Variants in PITRM1 observed in about 807,000 individuals in gnomAD.
PITRM1 encodes the protein presequence protease, mitochondrial.
A neutral mutation model predicts 129.9 loss-of-function variants in PITRM1; 100 were observed. That is an observed-to-expected ratio of 0.77 (90% CI 0.65 to 0.91). PITRM1 has a LOEUF of 0.91. Ranked by LOEUF, PITRM1 falls within the 40% of genes least tolerant of loss-of-function variation. PITRM1 has a pLI of 0.00. For synonymous variants in PITRM1, 591 were observed against 508.8 expected, an observed-to-expected ratio of 1.16 and a Z score of -2.17; for missense variants, 1,471 against 1,318.3, an observed-to-expected ratio of 1.12 and a Z score of -1.79.
In PITRM1 at chr10:3,164,038, A is replaced by AC. The variant is rs1491244958; in HGVS notation, c.631-154_631-153insG. ...TCTAATGGTTTAAAAAAAAAAAAAA[A>AC]ACACCCACGCAGGCATTGTTTAACA... On this transcript the variant is annotated intron_variant, in intron 6 of 26. Transcript: ENST00000224949. 9 of 415,698 alleles carry AC rather than the reference A, an allele frequency of 2.2e-5. No individual in the cohort carries two copies. The East Asian group carries it at 2.6e-4, about 12-fold the overall frequency. The allele number at this position is 415,698 out of a possible 1,614,324, so 25.8% of individuals were successfully genotyped here. A position where few individuals can be genotyped will look rare whatever the true frequency, so the allele number is the denominator to read the frequency against.
At position 3,138,417 on chromosome 10, in the gene PITRM1, G is replaced by A. The variant is rs143369531; in HGVS notation, c.2918-80C>T. 74 of 901,644 alleles carry A rather than the reference G, an allele frequency of 8.2e-5. No individual in the cohort carries two copies. The African/African-American group carries it at 1.1e-3, about 14-fold the overall frequency. 55.9% of individuals were successfully genotyped at this position (901,644 alleles called of 1,614,324 possible). A position where few individuals can be genotyped will look rare whatever the true frequency, so the allele number is the denominator to read the frequency against. The stretch of plus-strand genomic sequence containing the variant: ...GGCTGTGCACTCATGTCCCGGAGGG[G>A]ACACAGGCATCTCACTGTCATTTCA... On this transcript the variant is annotated intron_variant, in intron 25 of 26. Coordinates refer to ENST00000224949, the MANE Select transcript of PITRM1 (RefSeq NM_014889.4).
rs2132506061 is a variant in PITRM1, at chr10:3,166,390, G to A, written c.267-10C>T. ...AGTACGGAACTGCACGCTAGGGAAG[G>A]AGAATGACCAGAACGCAAAAGGTTC... On this transcript the variant is annotated splice_polypyrimidine_tract_variant and intron_variant, in intron 3 of 26. Coordinates refer to ENST00000224949, the MANE Select transcript of PITRM1 (RefSeq NM_014889.4). 7.5e-7 allele frequency: 1 copy of A among 1,328,050 alleles called. No individual in the cohort carries two copies. The highest frequency in any genetic ancestry group is 1.0e-6 in the Non-Finnish European group (1 of 991,738). The allele number at this position is 1,328,050 out of a possible 1,614,324, so 82.3% of individuals were successfully genotyped here.
rs532592299 is a variant in PITRM1 at position 3,143,558 on chromosome 10, T to G, written c.2533-57A>C. On this transcript the variant is annotated intron_variant, in intron 22 of 26. Coordinates refer to ENST00000224949, the MANE Select transcript of PITRM1 (RefSeq NM_014889.4). ...TGCTGCCATGCACCGCCCACGGCAC[T>G]GGGACTGGACCCACTCAGGGGTCAG... 9 of 1,215,096 alleles carry G rather than the reference T, an allele frequency of 7.4e-6. No homozygotes were observed. The African/African-American group carries it at 8.9e-5, about 12-fold the overall frequency. The allele number at this position is 1,215,096 out of a possible 1,614,324, so 75.3% of individuals were successfully genotyped here.
intron 24 of PITRM1, 40 bp from the exon 25 acceptor site, chr10:3,139,089 A>C (rs1839921604): frequency 1.3e-6 from 2 of 1,590,776 alleles, no homozygotes; most frequent in Non-Finnish European, 1.7e-6. Context: ...GCATTTTACC[A>C]GTGGACAAGT....
At chr10:3,141,548 C>A in intron 23 of PITRM1, 1 of 330,258 alleles carries the variant, frequency 3.0e-6, no homozygotes, top group Non-Finnish European at 6.5e-6. Context: ...TTTCTAGGAA[C>A]AGGGCCAATT....
At chr10:3,139,096 A>G (rs759628431) in intron 24 of PITRM1, 47 bp from the exon 25 acceptor site, 2 of 1,546,174 alleles carry the variant, frequency 1.3e-6, no homozygotes, top group Non-Finnish European at 1.8e-6. Flanking sequence ...ACCAGTGGAC[A>G]AGTTTATGAC....
In PITRM1 at chr10:3,138,357, C is replaced by T; in HGVS notation, c.2918-20G>A. The T allele has an allele frequency of 1.3e-6, 2 of 1,563,046 alleles. No homozygotes were observed. The highest frequency in any genetic ancestry group is 1.8e-6 in the Non-Finnish European group (2 of 1,133,908). ...CCATTCCTAGAAGACAATCCACAGG[C>T]ACGATGGAGCCGCTGCCCGGGAGCT... is the stretch of plus-strand genomic sequence containing the variant. On this transcript the variant is annotated intron_variant, in intron 25 of 26. Transcript: ENST00000224949.
rs368157059 is a variant in PITRM1 at position 3,147,610 on chromosome 10, C to A, written c.2197G>T (p.Ala733Ser). 5.6e-6 allele frequency: 9 copies of A among 1,613,914 alleles called. No homozygotes were observed. The highest frequency in any genetic ancestry group is 2.7e-5 in the African/African-American group (2 of 74,952). The change falls in exon 19 of 27, where the codon GCA (alanine) becomes TCA (serine). Residue 733 changes from alanine to serine, a missense_variant. Physicochemically the swap from Ala to Ser is moderately conservative, Grantham distance 99. Transcript: ENST00000224949. ...SIRAGRTLTP[A>S]GDLQETFSGM... ...CTGAAGGTCTCCTGCAGGTCCCCTG[C>A]GGGCGTGAGGGTCCGGCCTGCCCTG... is the stretch of plus-strand genomic sequence containing the variant.
intron 10 of PITRM1, 131 bp downstream of exon 10, chr10:3,158,783 T>A: frequency 1.2e-6 from 1 of 833,688 alleles, no homozygotes; most frequent in Non-Finnish European, 1.9e-6. Flanking sequence ...CATCTTCCGA[T>A]TATAGCAATC....
chr10:3,146,712 ACAAT>A (rs1840909797), intron 20 of PITRM1: 1 of 154,160 alleles, frequency 6.5e-6, no homozygotes, highest in African/African-American at 2.4e-5. Context: ...CTGAAAATAA[ACAAT>A]CATTTTTAAA....
intron 1 of PITRM1, 26 bp downstream of exon 1, chr10:3,172,691 G>A (rs1189910753): frequency 1.7e-5 from 26 of 1,529,590 alleles, no homozygotes; most frequent in Admixed American, 1.6e-4. Context: ...CCAGCGCGCC[G>A]AGCGCCTCCC....
intron 6 of PITRM1, among the ~76,000 whole-genome samples, chr10:3,164,892 T>C (rs537131831): frequency 2.6e-5 from 4 of 152,350 alleles, no homozygotes; most frequent in South Asian, 4.1e-4. Flanking sequence ...CAGCTCGCTG[T>C]GTGTCACACA....
Position 3,158,069 on chromosome 10 carries a change from G to A in PITRM1, c.1221C>T (p.Leu407=). 1 of 1,609,456 alleles carries A rather than the reference G, an allele frequency of 6.2e-7. No individual in the cohort carries two copies. ...AEKDIETVRS[L]IDRTIDEVVE... ...CTACTTCATCAATCGTTCTGTCTAT[G>A]AGGCTTCTGACGGTCTCAATGTCTT... Residue 407 remains leucine (L), a synonymous_variant, in exon 11 of 27, where the codon CTC becomes CTT. Coordinates refer to ENST00000224949, the MANE Select transcript of PITRM1 (RefSeq NM_014889.4).
Position 3,166,284 on chromosome 10 carries a change from G to T in PITRM1, c.363C>A (p.Asp121Glu). 1 of 1,608,950 alleles carries T rather than the reference G, an allele frequency of 6.2e-7. No individual in the cohort carries two copies. The highest frequency in any genetic ancestry group is 1.1e-5 in the South Asian group (1 of 90,578). ...LCGSQKYPCR[D>E]PFFKMLNRSL... ...ACCGGTTCAACATTTTGAAGAAAGGGTCTCTGCACGGATATTTCTGAGACC... is the reference window on the plus strand; with the variant it reads ...ACCGGTTCAACATTTTGAAGAAAGGTTCTCTGCACGGATATTTCTGAGACC... The change falls in exon 4 of 27, where the codon GAC becomes GAA. Residue 121 changes from aspartate to glutamate, a missense_variant. Coordinates refer to ENST00000224949, the MANE Select transcript of PITRM1 (RefSeq NM_014889.4).
intron 11 of PITRM1, 92 bp from the exon 12 acceptor site, chr10:3,157,623 C>T: frequency 1.3e-6 from 1 of 757,276 alleles, no homozygotes; most frequent in Non-Finnish European, 2.1e-6. Flanking sequence ...AGGAGGACTG[C>T]TTGAGGCCAG....
At chr10:3,151,139 T>G (rs1358400963) in intron 15 of PITRM1, 108 bp downstream of exon 15, 10 of 714,134 alleles carry the variant, frequency 1.4e-5, no homozygotes, top group Non-Finnish European at 2.3e-5. Flanking sequence ...GCTGCTCAAG[T>G]GTTTCAGGGA....
chr10:3,137,870 C>G lies in PITRM1; in HGVS notation c.*161G>C. 2 of 593,268 alleles carry G rather than the reference C, an allele frequency of 3.4e-6. No individual in the cohort carries two copies. Among genetic ancestry groups the G allele is most frequent in the African/African-American group, 1.9e-5 (1 of 53,740 alleles). The allele number at this position is 593,268 out of a possible 1,614,324, so 36.8% of individuals were successfully genotyped here. A position where few individuals can be genotyped will look rare whatever the true frequency, so the allele number is the denominator to read the frequency against. On this transcript the variant is annotated 3_prime_UTR_variant, in exon 27 of 27. Coordinates refer to ENST00000224949, the MANE Select transcript of PITRM1 (RefSeq NM_014889.4). Reference sequence around the variant, plus strand: ...TTATTTCAATGAACCTCTTCCTGGTCACTCTTAAGATAGATCTGAGTTTTT... The same window carrying G: ...TTATTTCAATGAACCTCTTCCTGGTGACTCTTAAGATAGATCTGAGTTTTT...
chr10:3,140,731 G>A lies in PITRM1; in HGVS notation c.2727C>T (p.Gly909=), dbSNP rs775640785. ...IREKGGAYGG[G]AKLSHNGIFT... ...AAATCCCATTGTGGCTGAGTTTTGC[G>A]CCTCCACCATAAGCACCGCCTTTTT... Residue 909 remains glycine, a synonymous_variant, in exon 24 of 27, where the codon GGC becomes GGT. Transcript: ENST00000224949. 4.5e-5 allele frequency: 72 copies of A among 1,597,160 alleles called. No homozygotes were observed. The highest frequency in any genetic ancestry group is 5.7e-5 in the South Asian group (5 of 87,868).
At position 3,139,004 on chromosome 10, in the gene PITRM1, G is replaced by T; in HGVS notation, c.2817C>A (p.Val939=). The T allele has an allele frequency of 6.2e-7, 1 of 1,613,782 alleles. No homozygotes were observed. The highest frequency in any genetic ancestry group is 8.5e-7 in the Non-Finnish European group (1 of 1,179,708). The change falls in exon 25 of 27, where the codon GTC becomes GTA. Residue 939 remains valine (V), a synonymous_variant. Coordinates refer to ENST00000224949, the MANE Select transcript of PITRM1 (RefSeq NM_014889.4). The stretch of plus-strand genomic sequence containing the variant: ...TGAATTTTCCAGACTTAGCCCAGTC[G>T]ACAGCCTTCCCAAAAGACTGGAGCG... ...IETLQSFGKA[V]DWAKSGKFTQ... is the part of the protein sequence containing the mutation.
Sources: allele counts gnomAD v4.1 joint callset (sites outside exome capture counted in the v4.1 genomes callset), GRCh38; gene constraint gnomAD v4.1.1; transcripts MANE v1.5; gene names NCBI Gene and HGNC (gene_info 2026-07-23, HGNC 2026-07-21).